The following CLNK variants were observed in gnomAD, a reference collection of about 807,000 sequenced individuals.
CLNK encodes cytokine dependent hematopoietic cell linker, also known as cytokine-dependent hematopoietic cell linker.
In CLNK, 74 loss-of-function variants were observed where a neutral mutation model predicts 68.6. The observed-to-expected ratio is 1.08, with a 90% CI of 0.89 to 1.31. The LOEUF (loss-of-function observed/expected upper bound fraction) is 1.31, where lower values mean the gene tolerates loss of function less well. CLNK is among the 50% of genes most tolerant of loss of function. CLNK has a pLI of 0.00. For missense variants in CLNK, 553 were observed against 515.3 expected (o/e 1.07, Z -0.71); for synonymous variants, 198 against 172.2 (o/e 1.15, Z -1.17).
intron 2 of CLNK, among the ~76,000 whole-genome samples, chr4:10,601,554 C>G (rs967554936): frequency 7.2e-5 from 11 of 152,176 alleles, no homozygotes; most frequent in Non-Finnish European, 1.5e-4. Flanking sequence ...TATAAACTCT[C>G]AACACATCAC....
At chr4:10,637,438 G>GTTTGTTT (rs1723132810) in intron 2 of CLNK, among the ~76,000 whole-genome samples, 4 of 124,164 alleles carry the variant, frequency 3.2e-5, no homozygotes, top group Non-Finnish European at 6.6e-5. Context: ...AATAAAAAAA[G>GTTTGTTT]TTTTTTTTTT....
In CLNK at chr4:10,564,683, C is replaced by G; in HGVS notation, c.387G>C (p.Thr129=). 1 of 1,611,308 alleles carries G rather than the reference C, an allele frequency of 6.2e-7. No homozygotes were observed. The highest frequency in any genetic ancestry group is 8.5e-7 in the Non-Finnish European group (1 of 1,177,456). Residue 129 remains threonine, a synonymous_variant, in exon 7 of 19, where the codon ACG becomes ACC. Transcript: ENST00000226951. ...SIGQPTWNTQ[T]RLERVDKPIS... ...AGTCTTTACTCACTCTTTCCAACCT[C>G]GTCTGTGTGTTCCAGGTCGGCTGTC...
At chr4:10,707,301 T>C in the CLNK span, among the ~76,000 whole-genome samples, 1 of 152,232 alleles carries the variant, frequency 6.6e-6, no homozygotes, top group Non-Finnish European at 1.5e-5. Context: ...CATTCAAAGC[T>C]GTTCTTGGCT....
chr4:10,572,263 T>C (rs1342347857), intron 4 of CLNK, among the ~76,000 whole-genome samples: 1 of 152,248 alleles, frequency 6.6e-6, no homozygotes, highest in Admixed American at 6.5e-5. Context: ...GTCATAGCTA[T>C]TCATTCATCT....
intron 2 of CLNK, among the ~76,000 whole-genome samples, chr4:10,606,002 G>C (rs1484377120): frequency 6.6e-6 from 1 of 151,886 alleles, no homozygotes; most frequent in African/African-American, 2.4e-5. Flanking sequence ...TGTAGGCTTT[G>C]GAGACTCTGT....
At position 10,542,341 on chromosome 4, in the gene CLNK, T is replaced by C. The variant is rs980298467; in HGVS notation, c.446-61A>G. On this transcript the variant is annotated intron_variant, in intron 8 of 18. Coordinates refer to ENST00000226951, the MANE Select transcript of CLNK (RefSeq NM_052964.4). The stretch of plus-strand genomic sequence containing the variant: ...AAAATGTCATCAAGCATTGATTTTA[T>C]ACACGCTTACATGAAAATCATTTTT... The C allele has an allele frequency of 8.6e-6, 9 of 1,047,682 alleles. No homozygotes were observed. In the African/African-American group the frequency reaches 1.3e-4, roughly 15 times the overall value. 64.9% of individuals were successfully genotyped at this position (1,047,682 alleles called of 1,614,324 possible).
chr4:10,544,087 T>C (rs1007717307), intron 8 of CLNK, among the ~76,000 whole-genome samples: 16 of 152,340 alleles, frequency 1.1e-4, no homozygotes, highest in Admixed American at 1.3e-4. Context: ...CTGCCTGTGT[T>C]GATGACTTTC....
chr4:10,645,770 T>A (rs1723483782), intron 2 of CLNK, among the ~76,000 whole-genome samples: 1 of 151,984 alleles, frequency 6.6e-6, no homozygotes, highest in Non-Finnish European at 1.5e-5. Flanking sequence ...TATTCAAGAG[T>A]ACAGTAGGGA....
intron 2 of CLNK, among the ~76,000 whole-genome samples, chr4:10,655,717 T>C (rs1723949224): frequency 7.2e-6 from 1 of 139,484 alleles, no homozygotes; most frequent in Non-Finnish European, 1.5e-5. Context: ...TGGTGCGATC[T>C]CGGCTCACTG....
chr4:10,517,638 AT>A (rs1193201673), intron 15 of CLNK, among the ~76,000 whole-genome samples: 2 of 152,172 alleles, frequency 1.3e-5, no homozygotes, highest in Admixed American at 1.3e-4. Context: ...GAAAATAACC[AT>A]TTTCGGTATT....
chr4:10,605,362 C>T (rs1170623518), intron 2 of CLNK, among the ~76,000 whole-genome samples: 1 of 152,066 alleles, frequency 6.6e-6, no homozygotes, highest in Non-Finnish European at 1.5e-5. Flanking sequence ...GACGGTGGAA[C>T]CTACTACACA....
At chr4:10,590,833 A>G (rs1037509330) in intron 3 of CLNK, among the ~76,000 whole-genome samples, 6 of 152,114 alleles carry the variant, frequency 3.9e-5, no homozygotes, top group African/African-American at 2.4e-5. Flanking sequence ...ACTGTACAAA[A>G]ATGATTTCAC....
At chr4:10,714,617 G>A in the CLNK span, among the ~76,000 whole-genome samples, 11 of 151,910 alleles carry the variant, frequency 7.2e-5, no homozygotes, top group Admixed American at 1.3e-4. Flanking sequence ...ACAGCAGCTG[G>A]TATATATATT....
intron 17 of CLNK, among the ~76,000 whole-genome samples, chr4:10,506,506 A>G (rs1028301132): frequency 6.6e-6 from 1 of 152,160 alleles, no homozygotes; most frequent in African/African-American, 2.4e-5. Context: ...TATCCTGACT[A>G]TTGCAGCCTT....
intron 18 of CLNK, among the ~76,000 whole-genome samples, chr4:10,499,901 T>C (rs755171538): frequency 2.6e-5 from 4 of 152,176 alleles, no homozygotes; most frequent in Non-Finnish European, 4.4e-5. Context: ...TTAGGACTCA[T>C]CCCAATAACC....
chr4:10,520,784 C>T lies in CLNK; in HGVS notation c.772+7G>A. 2 of 1,600,270 alleles carry T rather than the reference C, an allele frequency of 1.2e-6. No homozygotes were observed. Among genetic ancestry groups the T allele is most frequent in the Non-Finnish European group, 1.7e-6 (2 of 1,170,090 alleles). On this transcript the variant is annotated splice_region_variant and intron_variant, in intron 15 of 18. Transcript: ENST00000226951. ...TGTTTATTTTATAATTCTGAAAGTGCTCTTACCTCTGTTTTGCACACTGTG... is the reference window on the plus strand; with the variant it reads ...TGTTTATTTTATAATTCTGAAAGTGTTCTTACCTCTGTTTTGCACACTGTG...
intron 2 of CLNK, among the ~76,000 whole-genome samples, chr4:10,653,881 A>G (rs1577198790): frequency 6.6e-6 from 1 of 152,360 alleles, no homozygotes; most frequent in East Asian, 1.9e-4. Flanking sequence ...ACAAACACGT[A>G]TGTAGAAAAA....
intron 17 of CLNK, among the ~76,000 whole-genome samples, chr4:10,504,761 G>T (rs1044280548): frequency 2.6e-5 from 4 of 152,096 alleles, no homozygotes; most frequent in Admixed American, 6.6e-5. Flanking sequence ...ACTCTGAAAC[G>T]ATTTGTCAAA....
the CLNK span, among the ~76,000 whole-genome samples, chr4:10,720,767 C>T: frequency 1.3e-5 from 2 of 149,248 alleles, no homozygotes; most frequent in Non-Finnish European, 3.0e-5. Context: ...TAAAATTGTA[C>T]GGGGACGCTG....
Sources: gnomAD v4.1 joint callset for allele counts (sites outside exome capture counted in the v4.1 genomes callset) on GRCh38, gnomAD v4.1.1 for gene constraint, MANE v1.5 for transcripts, NCBI Gene and HGNC (gene_info 2026-07-23, HGNC 2026-07-21) for gene names.